INSC: variants seen among roughly 807,000 people sequenced by gnomAD.
The protein encoded by INSC is protein inscuteable homolog.
A neutral mutation model predicts 58.6 loss-of-function variants in INSC; 67 were observed. The observed-to-expected ratio is 1.14, with a 90% CI of 0.94 to 1.40. The LOEUF is 1.40. Ranked by LOEUF, INSC falls within the 40% of genes most tolerant of loss-of-function variation. The probability of loss-of-function intolerance (pLI) is 0.00; values close to 1 mark genes in which losing one functional copy is unlikely to be tolerated. For missense variants in INSC, 714 were observed against 692.0 expected, an observed-to-expected ratio of 1.03 and a Z score of -0.36; for synonymous variants, 262 against 276.1, an observed-to-expected ratio of 0.95 and a Z score of 0.51.
At chr11:15,133,822 A>C (rs1848178901) in intron 1 of INSC, among the ~76,000 whole-genome samples, 1 of 152,234 alleles carries the variant, frequency 6.6e-6, no homozygotes, top group Non-Finnish European at 1.5e-5. Flanking sequence ...CCAGCTCAGT[A>C]ATATATTTAA....
At chr11:15,172,184 G>A (rs1564883244) in intron 2 of INSC, among the ~76,000 whole-genome samples, 2 of 152,234 alleles carry the variant, frequency 1.3e-5, no homozygotes, top group Non-Finnish European at 2.9e-5. Flanking sequence ...CAGTGTGCAA[G>A]TGATTTGTTC....
At chr11:15,245,884 C>T (rs758083575) in intron 12 of INSC, 28 bp from the exon 13 acceptor site, 102 of 1,608,356 alleles carry the variant, frequency 6.3e-5, no homozygotes, top group Admixed American at 8.4e-5. Flanking sequence ...CAGTCTGACA[C>T]GTGTCACCTC....
At chr11:15,139,348 T>C (rs530652977) in intron 1 of INSC, among the ~76,000 whole-genome samples, 14 of 152,372 alleles carry the variant, frequency 9.2e-5, no homozygotes, top group African/African-American at 2.4e-4. Context: ...CCCTGGGCCC[T>C]GGGCCCAGTG....
chr11:15,148,623 A>C (rs1406388145), intron 1 of INSC, among the ~76,000 whole-genome samples: 1 of 139,946 alleles, frequency 7.1e-6, no homozygotes, highest in East Asian at 1.9e-4. Flanking sequence ...TTGGGAAAGC[A>C]ACCACTATGC....
At chr11:15,181,044 G>A (rs1849760253) in intron 5 of INSC, among the ~76,000 whole-genome samples, 1 of 152,156 alleles carries the variant, frequency 6.6e-6, no homozygotes, top group East Asian at 1.9e-4. Context: ...TTACATTTGT[G>A]CCGTCTTGAT....
At chr11:15,160,893 A>C (rs1201608983) in intron 2 of INSC, among the ~76,000 whole-genome samples, 1 of 152,236 alleles carries the variant, frequency 6.6e-6, no homozygotes, top group Non-Finnish European at 1.5e-5. Flanking sequence ...GAAATCTGGC[A>C]CTGTCAGAAA....
chr11:15,164,441 G>T (rs1412146981), intron 2 of INSC, among the ~76,000 whole-genome samples: 1 of 151,994 alleles, frequency 6.6e-6, no homozygotes, highest in African/African-American at 2.4e-5. Context: ...TGCCTCTGTT[G>T]TCCCTGTCCC....
At chr11:15,167,759 C>T (rs1000880813) in intron 2 of INSC, among the ~76,000 whole-genome samples, 2 of 152,100 alleles carry the variant, frequency 1.3e-5, no homozygotes, top group African/African-American at 4.8e-5. Context: ...GTTGGGATTA[C>T]AGGCATGAGA....
intron 3 of INSC, among the ~76,000 whole-genome samples, chr11:15,176,642 A>G (rs1191064569): frequency 1.3e-5 from 2 of 152,162 alleles, no homozygotes; most frequent in Admixed American, 6.5e-5. Context: ...GAATGGTGTA[A>G]TAAGTAGGGT....
chr11:15,240,374 A>G, intron 11 of INSC, 73 bp from the exon 12 acceptor site: 2 of 1,299,506 alleles, frequency 1.5e-6, no homozygotes, highest in Non-Finnish European at 2.2e-6. Flanking sequence ...TGTGCAAGGG[A>G]GGCCCAGAAC....
Position 15,116,921 on chromosome 11 carries a change from C to CTCCTTCCTTCCTTCCT in INSC, c.-46+1929_-46+1944dup, listed in dbSNP as rs1219518629. Among the ~76,000 whole-genome samples, 201 of 20,376 alleles carry CTCCTTCCTTCCTTCCT rather than the reference C, an allele frequency of 9.9e-3. 13 individuals carry two copies. Among genetic ancestry groups the CTCCTTCCTTCCTTCCT allele is most frequent in the Middle Eastern group, 0.036 (1 of 28 alleles). 13.4% of individuals were successfully genotyped at this position (20,376 alleles called of 152,430 possible). A position where few individuals can be genotyped will look rare whatever the true frequency, so the allele number is the denominator to read the frequency against. ...CCTCCCTCCCTCCCTCCCTCCCTCC[C>CTCCTTCCTTCCTTCCT]TCCTTCCTTCCTTCCTTCCTTCCTT... On this transcript the variant is annotated intron_variant, in intron 1 of 12. Transcript: ENST00000379556.
intron 1 of INSC, among the ~76,000 whole-genome samples, chr11:15,134,692 C>T (rs1415327134): frequency 6.6e-6 from 1 of 152,116 alleles, no homozygotes; most frequent in African/African-American, 2.4e-5. Context: ...CACAATTAGT[C>T]TCATTAATTA....
the INSC span, among the ~76,000 whole-genome samples, chr11:15,261,980 C>T: frequency 6.6e-5 from 10 of 151,994 alleles, no homozygotes; most frequent in Non-Finnish European, 1.3e-4. Context: ...GGAACTGGAC[C>T]TCAGGGAGGG....
At chr11:15,258,298 T>C in the INSC span, among the ~76,000 whole-genome samples, 1 of 152,132 alleles carries the variant, frequency 6.6e-6, no homozygotes, top group Non-Finnish European at 1.5e-5. Flanking sequence ...AAGAAAGAGA[T>C]TGCTGGGTCA....
intron 1 of INSC, among the ~76,000 whole-genome samples, chr11:15,123,377 A>G (rs553821620): frequency 6.6e-6 from 1 of 152,336 alleles, no homozygotes; most frequent in South Asian, 2.1e-4. Context: ...CCTAGCAGGT[A>G]TCATGGTACC....
chr11:15,175,774 C>T lies in INSC; in HGVS notation c.90C>T (p.Arg30=). 6.3e-7 allele frequency: 1 copy of T among 1,592,432 alleles called. No homozygotes were observed. Among genetic ancestry groups the T allele is most frequent in the Non-Finnish European group, 8.6e-7 (1 of 1,163,904 alleles). ...LHLMQVDSVQ[R]WMEDLKLMTE... The stretch of plus-strand genomic sequence containing the variant: ...TGATGCAGGTGGACTCAGTCCAGCG[C>T]TGGATGGAAGATCTGAAGCTCATGA... Residue 30 remains arginine (R), a synonymous_variant, in exon 3 of 13, where the codon CGC becomes CGT. Transcript: ENST00000379556.
rs148493127 is a variant in INSC, at chr11:15,157,421, G to A, written c.56+8191G>A. On this transcript the variant is annotated intron_variant, in intron 2 of 12. Coordinates refer to ENST00000379556, the MANE Select transcript of INSC (RefSeq NM_001042536.3). ...GTGTGAGTAATAGGATCAGTTGTTC[G>A]TACTTGCAAAGGAAGGATTTCATGC... is the stretch of plus-strand genomic sequence containing the variant. Among the ~76,000 whole-genome samples the A allele has an allele frequency of 1.2e-3, 187 of 152,254 alleles. No homozygotes were observed. The South Asian group carries it at 0.022, about 18-fold the overall frequency.
At chr11:15,200,153 TCACACACACACACACACA>T (rs57120673) in intron 6 of INSC, among the ~76,000 whole-genome samples, 1 of 146,830 alleles carries the variant, frequency 6.8e-6, no homozygotes, top group Non-Finnish European at 1.5e-5. Context: ...AAGGGTTATA[TCACACACACACACACACA>T]CACACACACA....
chr11:15,230,189 CAAAAAT>C (rs939233403), intron 9 of INSC, among the ~76,000 whole-genome samples: 9 of 146,644 alleles, frequency 6.1e-5, no homozygotes, highest in South Asian at 2.2e-4. Context: ...GACCTTGTCT[CAAAAAT>C]AAAAATAAAA....
Sources: allele counts gnomAD v4.1 joint callset (sites outside exome capture counted in the v4.1 genomes callset), GRCh38; gene constraint gnomAD v4.1.1; transcripts MANE v1.5; gene names NCBI Gene and HGNC (gene_info 2026-07-23, HGNC 2026-07-21).